Variants in KREMEN1 observed in about 807,000 individuals in gnomAD.
KREMEN1 encodes kremen protein 1.
A neutral mutation model predicts 46.5 loss-of-function variants in KREMEN1; 30 were observed. The ratio of observed to expected loss-of-function variants is 0.65; its 90% CI spans 0.48 to 0.88. The LOEUF (loss-of-function observed/expected upper bound fraction) is 0.88, where lower values mean the gene tolerates loss of function less well. Ranked by LOEUF, KREMEN1 falls within the 40% of genes least tolerant of loss-of-function variation. The pLI, the probability that KREMEN1 is intolerant of heterozygous loss-of-function variation, is 0.00. For missense variants in KREMEN1, 533 were observed against 596.9 expected (o/e 0.89, Z 1.11); for synonymous variants, 214 against 230.6 (o/e 0.93, Z 0.65).
In KREMEN1 at chr22:29,142,658, G is replaced by A. The variant is rs1391515741; in HGVS notation, c.*546G>A. ...ATTAGCGAGGTGTAAAGAGGGCAGT[G>A]TCTGTGCTGCCCCGGCAGCTTTGCT... On this transcript the variant is annotated 3_prime_UTR_variant, in exon 9 of 9. Transcript: ENST00000400335. 2.0e-6 allele frequency: 2 copies of A among 985,524 alleles called. No individual in the cohort carries two copies. Among genetic ancestry groups the A allele is most frequent in the Non-Finnish European group, 2.4e-6 (2 of 830,000 alleles). 61.0% of individuals were successfully genotyped at this position (985,524 alleles called of 1,614,324 possible).
rs370936923 is a variant in KREMEN1 at position 29,138,798 on chromosome 22, C to T, written c.1123+16C>T. On this transcript the variant is annotated intron_variant, in intron 7 of 8. Coordinates refer to ENST00000400335, the MANE Select transcript of KREMEN1 (RefSeq NM_001039570.3). ...ACTGTCCCAGGTAGCAATTCCTGGGCGCCACCCATGGGGGCTGGAAGCCAC... is the reference window on the plus strand; with the variant it reads ...ACTGTCCCAGGTAGCAATTCCTGGGTGCCACCCATGGGGGCTGGAAGCCAC... 3.3e-5 allele frequency: 54 copies of T among 1,614,112 alleles called. No homozygotes were observed. Among genetic ancestry groups the T allele is most frequent in the Middle Eastern group, 1.6e-4 (1 of 6,084 alleles).
chr22:29,094,653 T>C (rs1387982363), intron 2 of KREMEN1, among the ~76,000 whole-genome samples: 3 of 142,696 alleles, frequency 2.1e-5, no homozygotes, highest in Non-Finnish European at 4.6e-5. Context: ...AGACGGCGTC[T>C]CGCTCTGTCG....
At chr22:29,140,393 T>G (rs1370816923) in intron 8 of KREMEN1, 27 bp downstream of exon 8, 2 of 1,520,092 alleles carry the variant, frequency 1.3e-6, no homozygotes, top group Admixed American at 3.3e-5. Context: ...GCTGCCCAAT[T>G]CCAGGAAAGG....
chr22:29,150,996 G>A (rs1366059085), downstream of KREMEN1, among the ~76,000 whole-genome samples: 1 of 152,178 alleles, frequency 6.6e-6, no homozygotes, highest in Non-Finnish European at 1.5e-5. Context: ...ACAGGCAGTG[G>A]GTGGGCCCCC....
chr22:29,077,632 A>T (rs992615044), intron 1 of KREMEN1, among the ~76,000 whole-genome samples: 2 of 152,246 alleles, frequency 1.3e-5, no homozygotes, highest in African/African-American at 4.8e-5. Flanking sequence ...AAATATTTTT[A>T]AAATTATAGA....
At chr22:29,123,336 T>C (rs944996051) in intron 4 of KREMEN1, among the ~76,000 whole-genome samples, 6 of 148,838 alleles carry the variant, frequency 4.0e-5, no homozygotes, top group Non-Finnish European at 4.4e-5. Flanking sequence ...GTATCCATAA[T>C]GTGTAAAATT....
chr22:29,115,141 A>G (rs184664539), intron 3 of KREMEN1, among the ~76,000 whole-genome samples: 1 of 152,284 alleles, frequency 6.6e-6, no homozygotes, highest in African/African-American at 2.4e-5. Context: ...AGCAACCTGG[A>G]TGGGATTGGA....
chr22:29,108,837 TG>T (rs1200342745), intron 3 of KREMEN1, among the ~76,000 whole-genome samples: 1 of 152,234 alleles, frequency 6.6e-6, no homozygotes, highest in Non-Finnish European at 1.5e-5. Context: ...TTGCCCAGGC[TG>T]GAGTGCAGTG....
chr22:29,081,879 A>G (rs901881436), intron 1 of KREMEN1, among the ~76,000 whole-genome samples: 1 of 152,188 alleles, frequency 6.6e-6, no homozygotes, highest in Non-Finnish European at 1.5e-5. Context: ...CTAGAGATAT[A>G]TGGTCTACCT....
At chr22:29,163,905 C>A (rs1379333618) in intron 9 of KREMEN1, among the ~76,000 whole-genome samples, 1 of 151,890 alleles carries the variant, frequency 6.6e-6, no homozygotes, top group Non-Finnish European at 1.5e-5. Context: ...TGCGTATGTA[C>A]GCCCTACATC....
At chr22:29,123,104 A>C (rs1972432910) in intron 4 of KREMEN1, among the ~76,000 whole-genome samples, 1 of 152,076 alleles carries the variant, frequency 6.6e-6, no homozygotes, top group South Asian at 2.1e-4. Flanking sequence ...AACTTCTAGA[A>C]GACGATATAA....
At position 29,105,425 on chromosome 22, in the gene KREMEN1, C is replaced by T. The variant is rs1045054662; in HGVS notation, c.352+6472C>T. Among the ~76,000 whole-genome samples, 5 of 151,746 alleles carry T rather than the reference C, an allele frequency of 3.3e-5. No individual in the cohort carries two copies. The South Asian group carries it at 8.3e-4, about 25-fold the overall frequency. ...GTAAGGGCATTGGAGGCAAAGGGAACAGTTTGTGCCCCTGCATGTGCATGA... is the reference window on the plus strand; with the variant it reads ...GTAAGGGCATTGGAGGCAAAGGGAATAGTTTGTGCCCCTGCATGTGCATGA... On this transcript the variant is annotated intron_variant, in intron 3 of 8. Coordinates refer to ENST00000400335, the MANE Select transcript of KREMEN1 (RefSeq NM_001039570.3).
chr22:29,138,122 C>A (rs2038700396), intron 6 of KREMEN1, among the ~76,000 whole-genome samples: 2 of 152,230 alleles, frequency 1.3e-5, no homozygotes, highest in South Asian at 4.1e-4. Context: ...GTAATGTGAG[C>A]ACATGTGTGC....
At chr22:29,102,725 C>G (rs2037996001) in intron 3 of KREMEN1, among the ~76,000 whole-genome samples, 1 of 152,182 alleles carries the variant, frequency 6.6e-6, no homozygotes, top group African/African-American at 2.4e-5. Context: ...GATATGCTTT[C>G]CTGTTCCAAA....
chr22:29,153,880 G>A (rs958048441), intron 9 of KREMEN1, among the ~76,000 whole-genome samples: 7 of 151,706 alleles, frequency 4.6e-5, no homozygotes, highest in Non-Finnish European at 7.4e-5. Flanking sequence ...GCTGAGGCAG[G>A]AGAATCGCTT....
chr22:29,101,418 A>G (rs2037975089), intron 3 of KREMEN1, among the ~76,000 whole-genome samples: 1 of 152,230 alleles, frequency 6.6e-6, no homozygotes, highest in African/African-American at 2.4e-5. Context: ...AGGTTAATTT[A>G]TTATTCAAGA....
chr22:29,109,736 G>A (rs1009798819), intron 3 of KREMEN1, among the ~76,000 whole-genome samples: 1 of 152,220 alleles, frequency 6.6e-6, no homozygotes, highest in African/African-American at 2.4e-5. Flanking sequence ...ACGGATCAAA[G>A]GAAGAAAGTT....
intron 3 of KREMEN1, among the ~76,000 whole-genome samples, chr22:29,120,019 G>C: frequency 6.7e-6 from 1 of 148,836 alleles, no homozygotes; most frequent in Non-Finnish European, 1.5e-5. Flanking sequence ...AGGTGATGAA[G>C]GAAACAGAGG....
At chr22:29,116,307 C>T (rs992724525) in intron 3 of KREMEN1, among the ~76,000 whole-genome samples, 2 of 152,126 alleles carry the variant, frequency 1.3e-5, no homozygotes, top group African/African-American at 2.4e-5. Context: ...GAAGTGGCAG[C>T]GTGGACAGAG....
Sources: allele counts gnomAD v4.1 joint callset (sites outside exome capture counted in the v4.1 genomes callset), GRCh38; gene constraint gnomAD v4.1.1; transcripts MANE v1.5; gene names NCBI Gene and HGNC (gene_info 2026-07-23, HGNC 2026-07-21).